The following PREX1 variants were observed in gnomAD, a reference collection of about 807,000 sequenced individuals.
PREX1 encodes the protein phosphatidylinositol-3,4,5-trisphosphate dependent Rac exchange factor 1, also known as phosphatidylinositol 3,4,5-trisphosphate-dependent Rac exchanger 1 protein.
A neutral mutation model predicts 198.3 loss-of-function variants in PREX1; 41 were observed. The ratio of observed to expected loss-of-function variants is 0.21; its 90% CI spans 0.16 to 0.27. The LOEUF is 0.27. Among genes scored for constraint, PREX1 ranks in the 10% least tolerant of loss-of-function variants. PREX1 has a pLI of 1.00. For missense variants in PREX1, 1,620 were observed against 2,200.7 expected (o/e 0.74, Z 5.28); for synonymous variants, 843 against 887.2 (o/e 0.95, Z 0.89).
intron 1 of PREX1, among the ~76,000 whole-genome samples, chr20:48,789,894 G>A (rs1036306701): frequency 6.6e-6 from 1 of 152,036 alleles, no homozygotes; most frequent in African/African-American, 2.4e-5. Context: ...GATGGGTGAT[G>A]GATAAGGAGG....
At chr20:48,700,284 C>T (rs1279314023) in intron 7 of PREX1, among the ~76,000 whole-genome samples, 1 of 152,232 alleles carries the variant, frequency 6.6e-6, no homozygotes, top group East Asian at 1.9e-4. Context: ...CCACAGTCAT[C>T]TAGACCTGTG....
rs371561460 is a variant in PREX1 at position 48,688,726 on chromosome 20, T to G, written c.1265A>C (p.Asn422Thr). The part of the protein sequence containing the change: ...KGEKLYHMMM[N>T]KKVNLIKDRR... ...GTCCTTGATGAGGTTCACCTTCTTGTTCATCATCATGTGGTACAGCTTCTC... is the reference window on the plus strand; with the variant it reads ...GTCCTTGATGAGGTTCACCTTCTTGGTCATCATCATGTGGTACAGCTTCTC... Residue 422 changes from asparagine to threonine, a missense_variant, in exon 10 of 40, where the codon AAC (asparagine) becomes ACC (threonine). Physicochemically the swap from Asn to Thr is moderately conservative, Grantham distance 65. Around this residue, in one of 7 missense-constraint regions of PREX1, gnomAD observed 488 missense variants for 802.5 expected, o/e 0.61. Coordinates refer to ENST00000371941, the MANE Select transcript of PREX1 (RefSeq NM_020820.4). 24 of 1,614,060 alleles carry G rather than the reference T, an allele frequency of 1.5e-5. No homozygotes were observed. The highest frequency in any genetic ancestry group is 1.9e-5 in the Non-Finnish European group (23 of 1,180,030).
Position 48,794,802 on chromosome 20 carries a change from T to C in PREX1, c.219+32840A>G, listed in dbSNP as rs117375921. On this transcript the variant is annotated intron_variant, in intron 1 of 39. Transcript: ENST00000371941. ...GGAGACAGCAGTGCTATTTAACATT[T>C]ATTGAGTGCTTGCTGGGTACCAGAC... 4.9e-3 allele frequency among the ~76,000 whole-genome samples: 745 copies of C among 152,276 alleles called. 2 individuals are homozygous for C. The highest frequency in any genetic ancestry group is 8.5e-3 in the Non-Finnish European group (578 of 68,000).
At chr20:48,747,028 G>A (rs554156830) in intron 2 of PREX1, among the ~76,000 whole-genome samples, 3 of 149,714 alleles carry the variant, frequency 2.0e-5, no homozygotes, top group African/African-American at 7.4e-5. Context: ...CCCAGGAGGA[G>A]CCATGCAGAG....
intron 6 of PREX1, among the ~76,000 whole-genome samples, chr20:48,705,064 T>C (rs971555365): frequency 6.6e-6 from 1 of 152,172 alleles, no homozygotes; most frequent in South Asian, 2.1e-4. Flanking sequence ...CCTCCTGACA[T>C]GTATTGGGCG....
chr20:48,743,349 T>A (rs888078145), intron 3 of PREX1, among the ~76,000 whole-genome samples: 2 of 152,006 alleles, frequency 1.3e-5, no homozygotes, highest in South Asian at 4.1e-4. Flanking sequence ...CTGTGGCCAC[T>A]TGCCCCTTCT....
At chr20:48,687,873 G>T (rs895348726) in intron 10 of PREX1, among the ~76,000 whole-genome samples, 2 of 152,170 alleles carry the variant, frequency 1.3e-5, no homozygotes, top group South Asian at 2.1e-4. Flanking sequence ...AAATGGGGCT[G>T]TATTTCCCAA....
the PREX1 span, among the ~76,000 whole-genome samples, chr20:48,851,233 A>C: frequency 6.6e-6 from 1 of 152,136 alleles, no homozygotes; most frequent in South Asian, 2.1e-4. Context: ...GAGGCCGGGC[A>C]TGGTGGTTCA....
At chr20:48,747,662 A>T in intron 2 of PREX1, 147 bp downstream of exon 2, 1 of 840,242 alleles carries the variant, frequency 1.2e-6, no homozygotes. Flanking sequence ...TGAAGGGAGC[A>T]AGCTGGGGCA....
chr20:48,743,385 G>A (rs924475328), intron 3 of PREX1, among the ~76,000 whole-genome samples: 2 of 152,046 alleles, frequency 1.3e-5, no homozygotes, highest in African/African-American at 4.8e-5. Flanking sequence ...TACCATGCTG[G>A]TCCGAGGCAC....
chr20:48,765,592 A>G (rs1409430961), intron 1 of PREX1, among the ~76,000 whole-genome samples: 1 of 152,240 alleles, frequency 6.6e-6, no homozygotes, highest in Non-Finnish European at 1.5e-5. Context: ...TTTCACAGAC[A>G]AGGAACAGAG....
chr20:48,694,772 G>A (rs186395590), intron 7 of PREX1, among the ~76,000 whole-genome samples: 2 of 152,216 alleles, frequency 1.3e-5, no homozygotes, highest in Non-Finnish European at 2.9e-5. Context: ...AGTTGTAAGT[G>A]GTGAAGATGT....
intron 1 of PREX1, among the ~76,000 whole-genome samples, chr20:48,774,798 G>A (rs536230335): frequency 5.3e-5 from 8 of 152,318 alleles, no homozygotes; most frequent in Admixed American, 3.9e-4. Context: ...CGGCCCCTCC[G>A]CTGCCCTGGC....
At chr20:48,789,227 T>G (rs2090326544) in intron 1 of PREX1, among the ~76,000 whole-genome samples, 2 of 152,116 alleles carry the variant, frequency 1.3e-5, no homozygotes, top group Non-Finnish European at 2.9e-5. Context: ...TCATGGAAGG[T>G]TCCCAGCTTC....
chr20:48,633,991 A>C (rs967546348), intron 33 of PREX1, among the ~76,000 whole-genome samples: 7 of 151,598 alleles, frequency 4.6e-5, no homozygotes, highest in Admixed American at 1.3e-4. Flanking sequence ...TGATGGTTGG[A>C]TGGATGGATG....
chr20:48,831,918 C>T (rs1234581604), upstream of PREX1, among the ~76,000 whole-genome samples: 2 of 152,152 alleles, frequency 1.3e-5, no homozygotes, highest in African/African-American at 2.4e-5. Context: ...CTCCCTAAAC[C>T]AAACATGACT....
intron 1 of PREX1, among the ~76,000 whole-genome samples, chr20:48,805,102 T>C (rs1193064330): frequency 1.3e-5 from 2 of 152,144 alleles, no homozygotes; most frequent in Non-Finnish European, 2.9e-5. Context: ...ATGGTCCCCA[T>C]CTCCTTACCA....
intron 2 of PREX1, among the ~76,000 whole-genome samples, chr20:48,745,467 A>G (rs1281389297): frequency 6.6e-6 from 1 of 152,248 alleles, no homozygotes; most frequent in Non-Finnish European, 1.5e-5. Context: ...AGGCTCAGAT[A>G]AAATAATATT....
chr20:48,794,028 G>A (rs2090349775), intron 1 of PREX1, among the ~76,000 whole-genome samples: 1 of 152,120 alleles, frequency 6.6e-6, no homozygotes, highest in Non-Finnish European at 1.5e-5. Flanking sequence ...CGGGCTAAAG[G>A]ATCCCCTCAC....
Sources: allele counts gnomAD v4.1 joint callset (sites outside exome capture counted in the v4.1 genomes callset), GRCh38; gene constraint gnomAD v4.1.1; regional missense constraint gnomAD v4.1.1; transcripts MANE v1.5; gene names NCBI Gene and HGNC (gene_info 2026-07-23, HGNC 2026-07-21).